Variants in ARID1B observed in about 807,000 individuals in gnomAD.
ARID1B encodes the protein AT-rich interaction domain 1B.
Under a neutral mutation model 212.3 loss-of-function variants are expected in ARID1B, and 30 were observed. That is an observed-to-expected ratio of 0.14 (90% CI 0.11 to 0.19). The LOEUF is 0.19. ARID1B is among the 10% of genes least tolerant of loss of function. ARID1B has a pLI of 1.00. For synonymous variants in ARID1B, 1,402 were observed against 1,301.7 expected (o/e 1.08, Z -1.66); for missense variants, 2,891 against 3,204.0 (o/e 0.90, Z 2.36).
Position 157,174,960 on chromosome 6 carries a change from T to C in ARID1B, c.3459T>C (p.Ser1153=). The change falls in exon 11 of 20, where the codon AGT becomes AGC. Residue 1153 remains serine, a synonymous_variant. Coordinates refer to ENST00000636930, the MANE Select transcript of ARID1B (RefSeq NM_001374828.1). ...ASISSFHGDE[S]DSISSPGWPK... ...TCTCCTCATTTCATGGAGATGAAAG[T>C]GATAGCATTAGCAGCCCAGGCTGGC... 6.5e-7 allele frequency: 1 copy of C among 1,530,984 alleles called. No individual in the cohort carries two copies. The highest frequency in any genetic ancestry group is 8.8e-7 in the Non-Finnish European group (1 of 1,136,800). 94.8% of individuals were successfully genotyped at this position (1,530,984 alleles called of 1,614,324 possible). A position where few individuals can be genotyped will look rare whatever the true frequency, so the allele number is the denominator to read the frequency against.
intron 4 of ARID1B, among the ~76,000 whole-genome samples, chr6:156,978,533 A>G (rs959305563): frequency 4.8e-4 from 69 of 145,242 alleles, no homozygotes; most frequent in Non-Finnish European, 4.3e-4. Context: ...AGTTTTGTTG[A>G]ATAAACATAT....
At chr6:157,155,105 C>G (rs1460294847) in intron 8 of ARID1B, among the ~76,000 whole-genome samples, 1 of 152,100 alleles carries the variant, frequency 6.6e-6, no homozygotes, top group African/African-American at 2.4e-5. Context: ...ACATGCTTTG[C>G]ACATTCCCAT....
intron 4 of ARID1B, among the ~76,000 whole-genome samples, chr6:156,945,523 A>C (rs1332327604): frequency 6.6e-6 from 1 of 150,924 alleles, no homozygotes; most frequent in Admixed American, 6.6e-5. Flanking sequence ...GAATTTCCTG[A>C]CTTGCGTAGG....
rs1016080191 is a variant in ARID1B, at chr6:157,094,609, C to T, written c.2491+9704C>T. Among the ~76,000 whole-genome samples the T allele has an allele frequency of 2.6e-5, 4 of 152,168 alleles. No homozygotes were observed. Among genetic ancestry groups the T allele is most frequent in the African/African-American group, 9.7e-5 (4 of 41,442 alleles). ...ACCTCTCGAAATCTGCCCATGTTGG[C>T]CTCCCAAAGTGCTAGGATTACAGGC... On this transcript the variant is annotated intron_variant, in intron 5 of 19. Coordinates refer to ENST00000636930, the MANE Select transcript of ARID1B (RefSeq NM_001374828.1). This position sits in a 1 kb window ranked among gnomAD's most constrained non-coding sequence, Gnocchi z 4.3.
chr6:157,146,720 C>T (rs530053292), intron 7 of ARID1B, among the ~76,000 whole-genome samples: 44 of 152,280 alleles, frequency 2.9e-4, no homozygotes, highest in African/African-American at 1.0e-3. Context: ...TTTAGCTTTA[C>T]GTCACCTGTG....
chr6:157,109,632 C>G (rs1488223713), intron 5 of ARID1B, among the ~76,000 whole-genome samples: 1 of 152,176 alleles, frequency 6.6e-6, no homozygotes, highest in African/African-American at 2.4e-5. Flanking sequence ...CATCAGCTAC[C>G]TCTGATGATT....
At chr6:156,976,631 T>G (rs914273008) in intron 4 of ARID1B, among the ~76,000 whole-genome samples, 22 of 152,094 alleles carry the variant, frequency 1.4e-4, no homozygotes, top group African/African-American at 5.3e-4. Flanking sequence ...CGGCAACCCT[T>G]CTGGGTCCCC....
At chr6:156,998,424 CGTGTTAGCCAGGATG>C (rs1453232526) in intron 4 of ARID1B, among the ~76,000 whole-genome samples, 1 of 152,110 alleles carries the variant, frequency 6.6e-6, no homozygotes, top group Non-Finnish European at 1.5e-5. Context: ...AGGGTTTCAC[CGTGTTAGCCAGGATG>C]GTCTGGATCT....
At chr6:157,085,328 A>G (rs4318894) in intron 5 of ARID1B, among the ~76,000 whole-genome samples, 141,142 of 152,154 alleles carry the variant, frequency 0.93, 65,492 homozygotes, top group East Asian at 0.98. Context: ...ACATTTCTAC[A>G]GTCTATACTT....
At chr6:157,022,316 A>G (rs1780365536) in intron 4 of ARID1B, 1 of 152,280 alleles carries the variant, frequency 6.6e-6, no homozygotes, top group Non-Finnish European at 1.5e-5. Context: ...AGCCAAGTGC[A>G]TGCTCATCAA....
intron 4 of ARID1B, among the ~76,000 whole-genome samples, chr6:156,953,950 A>C (rs569553326): frequency 5.8e-4 from 88 of 152,236 alleles, no homozygotes; most frequent in African/African-American, 2.0e-3. Context: ...GGTTTATTTC[A>C]TTTTAACTGC....
intron 9 of ARID1B, chr6:157,169,314 T>A (rs1791552921): frequency 6.6e-6 from 1 of 152,216 alleles, no homozygotes; most frequent in South Asian, 2.1e-4. Flanking sequence ...CAACCAGCAT[T>A]CCAGCAATTC....
At chr6:157,018,123 C>A (rs533390663) in intron 4 of ARID1B, among the ~76,000 whole-genome samples, 42 of 151,116 alleles carry the variant, frequency 2.8e-4, no homozygotes, top group African/African-American at 9.0e-4. Context: ...CAGAGCAAGA[C>A]CATGTCTCTA....
At chr6:156,811,284 G>T (rs1254544461) in intron 1 of ARID1B, among the ~76,000 whole-genome samples, 1 of 152,154 alleles carries the variant, frequency 6.6e-6, no homozygotes, top group Admixed American at 6.5e-5. Context: ...TTAGTTAGAT[G>T]CCAGTCACAG....
chr6:157,109,620 A>C (rs1251015475), intron 5 of ARID1B, among the ~76,000 whole-genome samples: 1 of 152,204 alleles, frequency 6.6e-6, no homozygotes, highest in Non-Finnish European at 1.5e-5. Context: ...GTGAGTTGAG[A>C]TCATCAGCTA....
At chr6:156,838,781 A>G (rs1259264302) in intron 2 of ARID1B, among the ~76,000 whole-genome samples, 3 of 152,084 alleles carry the variant, frequency 2.0e-5, no homozygotes, top group Admixed American at 6.5e-5. Context: ...CTTTATAATC[A>G]GTATCATAAT....
intron 4 of ARID1B, among the ~76,000 whole-genome samples, chr6:156,964,509 C>G (rs911249536): frequency 6.6e-6 from 1 of 152,122 alleles, no homozygotes; most frequent in Non-Finnish European, 1.5e-5. Context: ...TAGGGAAAAT[C>G]AGGATAGGAT....
chr6:157,046,620 G>T (rs1253817493), intron 4 of ARID1B, among the ~76,000 whole-genome samples: 5 of 152,142 alleles, frequency 3.3e-5, no homozygotes, highest in African/African-American at 9.7e-5. Flanking sequence ...ATTTCTTCTT[G>T]CTGATGTTTC....
Position 156,803,595 on chromosome 6 carries a change from T to C in ARID1B, c.1791+24124T>C, listed in dbSNP as rs112295732. Among the ~76,000 whole-genome samples the C allele has an allele frequency of 5.9e-5, 9 of 152,156 alleles. 1 individual carries two copies. The highest frequency in any genetic ancestry group is 2.2e-4 in the African/African-American group (9 of 41,540). On this transcript the variant is annotated intron_variant, in intron 1 of 19. Coordinates refer to ENST00000636930, the MANE Select transcript of ARID1B (RefSeq NM_001374828.1). ...AGTGAATGCTTTATTTTTGTTTTCA[T>C]GGTGTGTTTTTTTCTTGCTTTCATT...
Sources: allele counts gnomAD v4.1 joint callset (sites outside exome capture counted in the v4.1 genomes callset), GRCh38; gene constraint gnomAD v4.1.1; non-coding constraint Gnocchi (gnomAD v3.1); transcripts MANE v1.5; gene names NCBI Gene and HGNC (gene_info 2026-07-23, HGNC 2026-07-21).